The following PKNOX1 variants were observed in gnomAD, a reference collection of about 807,000 sequenced individuals.
The protein encoded by PKNOX1 is PBX/knotted 1 homeobox 1, also known as homeobox protein PKNOX1.
A neutral mutation model predicts 51.9 loss-of-function variants in PKNOX1; 15 were observed. The observed-to-expected ratio is 0.29, with a 90% CI of 0.19 to 0.45. The LOEUF (loss-of-function observed/expected upper bound fraction) is 0.45, where lower values mean the gene tolerates loss of function less well. PKNOX1 is among the 20% of genes least tolerant of loss of function. The probability of loss-of-function intolerance (pLI) is 1.00; values close to 1 mark genes in which losing one functional copy is unlikely to be tolerated. For missense variants in PKNOX1, 462 were observed against 547.5 expected, an observed-to-expected ratio of 0.84 and a Z score of 1.56; for synonymous variants, 219 against 211.1, an observed-to-expected ratio of 1.04 and a Z score of -0.32.
At chr21:43,028,278 C>T (rs527754622) in intron 9 of PKNOX1, among the ~76,000 whole-genome samples, 1 of 152,204 alleles carries the variant, frequency 6.6e-6, no homozygotes. Flanking sequence ...TGGTGACGTC[C>T]AGACGAGTGC....
chr21:43,028,608 C>A, intron 9 of PKNOX1, 94 bp from the exon 10 acceptor site: 4 of 1,150,438 alleles, frequency 3.5e-6, no homozygotes, highest in South Asian at 1.4e-5. Context: ...TAGCGTGCTT[C>A]GTAGAGCAGC....
chr21:42,998,803 G>C (rs113293340), intron 1 of PKNOX1, among the ~76,000 whole-genome samples: 5,348 of 152,298 alleles, frequency 0.035, 135 homozygotes, highest in Middle Eastern at 0.061. Context: ...CGCCCCTGTG[G>C]CTTTGCGGGA....
Position 43,021,625 on chromosome 21 carries a change from C to T in PKNOX1, c.849+194C>T, listed in dbSNP as rs569220345. ...GAACTTGAAGGGCAATGAGGGCTGCCGTGAAGGAGCACCCGAGCACATGTG... is the reference window on the plus strand; with the variant it reads ...GAACTTGAAGGGCAATGAGGGCTGCTGTGAAGGAGCACCCGAGCACATGTG... On this transcript the variant is annotated intron_variant, in intron 8 of 10. Coordinates refer to ENST00000291547, the MANE Select transcript of PKNOX1 (RefSeq NM_004571.5). The surrounding 1 kb of genome is among the most constrained non-coding windows in gnomAD (Gnocchi z 4.6). 5.3e-5 allele frequency among the ~76,000 whole-genome samples: 8 copies of T among 152,282 alleles called. No individual in the cohort carries two copies. Among genetic ancestry groups the T allele is most frequent in the Admixed American group, 4.6e-4 (7 of 15,296 alleles).
At chr21:43,001,267 A>G (rs1978739131) in intron 1 of PKNOX1, among the ~76,000 whole-genome samples, 1 of 152,232 alleles carries the variant, frequency 6.6e-6, no homozygotes, top group Non-Finnish European at 1.5e-5. Context: ...AGCGGTTTCC[A>G]GCCTTTTCTG....
chr21:43,000,456 G>T (rs1259315725), intron 1 of PKNOX1, among the ~76,000 whole-genome samples: 1 of 152,202 alleles, frequency 6.6e-6, no homozygotes, highest in Non-Finnish European at 1.5e-5. Flanking sequence ...ATGTACAGGG[G>T]AATTCCTCTT....
At chr21:42,983,024 G>C (rs2059034643) in intron 1 of PKNOX1, among the ~76,000 whole-genome samples, 1 of 152,044 alleles carries the variant, frequency 6.6e-6, no homozygotes, top group Admixed American at 6.6e-5. Context: ...TGGCCAGGCT[G>C]GTCTCGAACT....
At chr21:43,022,411 G>A (rs536252894) in intron 8 of PKNOX1, among the ~76,000 whole-genome samples, 1 of 152,336 alleles carries the variant, frequency 6.6e-6, no homozygotes, top group African/African-American at 2.4e-5. Flanking sequence ...GGGCTCCTCA[G>A]TTGAGGATAG....
chr21:43,028,921 G>A, intron 10 of PKNOX1, 47 bp downstream of exon 10: 1 of 1,590,944 alleles, frequency 6.3e-7, no homozygotes, highest in Non-Finnish European at 8.6e-7. Flanking sequence ...ATGGGGTGGG[G>A]ATTATGAACA....
At chr21:43,008,061 T>TCTCTCTCACACACACACACACA (rs59792199) in intron 3 of PKNOX1, among the ~76,000 whole-genome samples, 1 of 146,776 alleles carries the variant, frequency 6.8e-6, no homozygotes, top group Non-Finnish European at 1.5e-5. Flanking sequence ...CAAAACTCTG[T>TCTCTCTCACACACACACACACA]CACACACACA....
rs776826322 is a variant in PKNOX1 at position 43,029,992 on chromosome 21, C to T, written c.1202C>T (p.Ala401Val). The T allele has an allele frequency of 2.5e-6, 4 of 1,614,040 alleles. No individual in the cohort carries two copies. The South Asian group carries it at 3.3e-5, about 13-fold the overall frequency. Residue 401 changes from alanine (A) to valine (V), a missense_variant, in exon 11 of 11, where the codon GCA becomes GTA. Physicochemically the swap from Ala to Val is moderately conservative, Grantham distance 64. Coordinates refer to ENST00000291547, the MANE Select transcript of PKNOX1 (RefSeq NM_004571.5). ...ATLAVQQVMM[A>V]GQSEDESVDS... The stretch of plus-strand genomic sequence containing the variant: ...CTGGCGGTGCAGCAGGTCATGATGG[C>T]AGGGCAGAGCGAGGACGAGTCTGTG...
chr21:43,025,124 T>A (rs1979935378), intron 9 of PKNOX1, among the ~76,000 whole-genome samples, 177 bp downstream of exon 9: 1 of 152,292 alleles, frequency 6.6e-6, no homozygotes, highest in Admixed American at 6.5e-5. Flanking sequence ...TGGCCTCAAG[T>A]GATCCTCCCA....
chr21:43,008,926 T>C (rs1408522625), intron 3 of PKNOX1, among the ~76,000 whole-genome samples: 2 of 152,194 alleles, frequency 1.3e-5, no homozygotes, highest in African/African-American at 2.4e-5. Context: ...CAGCCTATCA[T>C]GGCCAAAAGC....
In PKNOX1 at chr21:43,030,086, T is replaced by A; in HGVS notation, c.1296T>A (p.Ser432Arg). The A allele has an allele frequency of 6.2e-7, 1 of 1,601,926 alleles. No individual in the cohort carries two copies. The highest frequency in any genetic ancestry group is 8.5e-7 in the Non-Finnish European group (1 of 1,170,118). Residue 432 changes from serine (S) to arginine (R), a missense_variant, in exon 11 of 11, where the codon AGT (serine) becomes AGA (arginine). Ser to Arg is a moderately radical substitution (Grantham distance 110). Around this residue, in one of 5 missense-constraint regions of PKNOX1, gnomAD observed 118 missense variants for 116.8 expected, o/e 1.01. Coordinates refer to ENST00000291547, the MANE Select transcript of PKNOX1 (RefSeq NM_004571.5). Reference protein sequence around the residue: ...AHISGLVLENSDSLQ With the variant: ...AHISGLVLENRDSLQ ...TCAGCGGGCTGGTCTTGGAGAACAG[T>A]GACTCCCTGCAGTAGGGGCAGGAGC... is the stretch of plus-strand genomic sequence containing the variant.
At chr21:42,976,215 CTACT>C (rs1201407341) in intron 1 of PKNOX1, among the ~76,000 whole-genome samples, 3 of 151,788 alleles carry the variant, frequency 2.0e-5, no homozygotes, top group Non-Finnish European at 2.9e-5. Flanking sequence ...TTACAGTATA[CTACT>C]TAAAGTGTGC....
At chr21:42,975,047 C>CGGGGTG (rs1555856329) in intron 1 of PKNOX1, among the ~76,000 whole-genome samples, 1 of 141,064 alleles carries the variant, frequency 7.1e-6, no homozygotes, top group Non-Finnish European at 1.6e-5. Flanking sequence ...CGCCCCGGCG[C>CGGGGTG]GGGGCGGGGG....
At chr21:42,977,472 T>C (rs1337014680) in intron 1 of PKNOX1, among the ~76,000 whole-genome samples, 1 of 152,124 alleles carries the variant, frequency 6.6e-6, no homozygotes, top group Non-Finnish European at 1.5e-5. Context: ...CTTCACCTTG[T>C]ACTTTCGTGT....
chr21:43,017,716 G>A (rs1399039458), intron 6 of PKNOX1: 2 of 161,666 alleles, frequency 1.2e-5, no homozygotes, highest in Non-Finnish European at 2.7e-5. Flanking sequence ...TCAGTTGGTG[G>A]TGTGTGAGCC....
At chr21:42,996,029 C>T (rs961636271) in intron 1 of PKNOX1, among the ~76,000 whole-genome samples, 1 of 152,158 alleles carries the variant, frequency 6.6e-6, no homozygotes, top group Non-Finnish European at 1.5e-5. Flanking sequence ...GCCTGGGCAA[C>T]AAAGTGAAAC....
intron 4 of PKNOX1, among the ~76,000 whole-genome samples, chr21:43,010,786 C>T (rs1477562237): frequency 2.0e-5 from 3 of 152,014 alleles, no homozygotes; most frequent in African/African-American, 7.2e-5. Flanking sequence ...ATCACTTGAA[C>T]GCAGGAGGCG....
Sources: gnomAD v4.1 joint callset for allele counts (sites outside exome capture counted in the v4.1 genomes callset) on GRCh38, gnomAD v4.1.1 for gene constraint, gnomAD v4.1.1 regional missense constraint, Gnocchi (gnomAD v3.1) non-coding constraint, MANE v1.5 for transcripts, NCBI Gene and HGNC (gene_info 2026-07-23, HGNC 2026-07-21) for gene names.